The following SLC44A3 variants were observed in gnomAD, a reference collection of about 807,000 sequenced individuals.
SLC44A3 encodes the protein choline transporter-like protein 3.
Under a neutral mutation model 75.4 loss-of-function variants are expected in SLC44A3, and 74 were observed. That is an observed-to-expected ratio of 0.98 (90% CI 0.81 to 1.19). The LOEUF (loss-of-function observed/expected upper bound fraction) is 1.19, where lower values mean the gene tolerates loss of function less well. SLC44A3 is among the 50% of genes most tolerant of loss of function. SLC44A3 has a pLI of 0.00. For synonymous variants in SLC44A3, 310 were observed against 296.9 expected (o/e 1.04, Z -0.45); for missense variants, 700 against 778.6 (o/e 0.90, Z 1.20).
chr1:94,839,691 AT>A (rs375862998), intron 6 of SLC44A3, among the ~76,000 whole-genome samples: 64 of 152,074 alleles, frequency 4.2e-4, no homozygotes, highest in African/African-American at 1.3e-3. Context: ...GCCCGGCCAA[AT>A]TTTTTTTATT....
At chr1:94,876,038 A>C (rs1668246573) in intron 12 of SLC44A3, among the ~76,000 whole-genome samples, 1 of 152,226 alleles carries the variant, frequency 6.6e-6, no homozygotes, top group Non-Finnish European at 1.5e-5. Flanking sequence ...GGGATCTGGC[A>C]GCTGAAACTG....
chr1:94,824,480 C>T lies in SLC44A3; in HGVS notation c.136-13C>T. ...CCTTTGGCCAGGCTCTCATATGCCC[C>T]CGTTTTTGCCAGGTGTTTATCATGG... On this transcript the variant is annotated splice_polypyrimidine_tract_variant and intron_variant, in intron 2 of 14. Coordinates refer to ENST00000271227, the MANE Select transcript of SLC44A3 (RefSeq NM_001114106.3). The T allele has an allele frequency of 6.3e-7, 1 of 1,586,034 alleles. No homozygotes were observed. The highest frequency in any genetic ancestry group is 8.6e-7 in the Non-Finnish European group (1 of 1,169,290).
intron 5 of SLC44A3, among the ~76,000 whole-genome samples, chr1:94,831,146 A>G (rs1227809367): frequency 6.6e-6 from 1 of 152,124 alleles, no homozygotes; most frequent in African/African-American, 2.4e-5. Context: ...CTGTGTCATA[A>G]TAGCACCATT....
chr1:94,869,001 T>C (rs2101491218), intron 12 of SLC44A3, among the ~76,000 whole-genome samples: 1 of 152,268 alleles, frequency 6.6e-6, no homozygotes, highest in East Asian at 1.9e-4. Context: ...ACCATGCCTA[T>C]ACTGCCTGGC....
intron 12 of SLC44A3, among the ~76,000 whole-genome samples, chr1:94,874,471 A>C (rs961092434): frequency 1.3e-5 from 2 of 152,208 alleles, no homozygotes; most frequent in African/African-American, 4.8e-5. Flanking sequence ...TTGGACTCTG[A>C]AGTGCTTCCT....
chr1:94,862,733 T>C (rs1666721590), intron 10 of SLC44A3, among the ~76,000 whole-genome samples: 1 of 152,138 alleles, frequency 6.6e-6, no homozygotes. Context: ...TGGGAAGATC[T>C]AGAGAGAGAT....
At chr1:94,887,848 C>T (rs1313638414) in intron 12 of SLC44A3, among the ~76,000 whole-genome samples, 2 of 152,064 alleles carry the variant, frequency 1.3e-5, no homozygotes, top group East Asian at 3.9e-4. Context: ...TCTAAAAAGC[C>T]CTTTCCTGGA....
At chr1:94,886,260 T>C (rs1669572842) in intron 12 of SLC44A3, among the ~76,000 whole-genome samples, 1 of 152,070 alleles carries the variant, frequency 6.6e-6, no homozygotes, top group African/African-American at 2.4e-5. Flanking sequence ...CAGCAGAAGA[T>C]GGTGATGAGG....
intron 12 of SLC44A3, among the ~76,000 whole-genome samples, chr1:94,879,849 A>T (rs993955081): frequency 6.6e-6 from 1 of 151,856 alleles, no homozygotes; most frequent in Non-Finnish European, 1.5e-5. Flanking sequence ...AAAAAAAAAA[A>T]AAAAGAAAAA....
At chr1:94,840,182 G>T in intron 7 of SLC44A3, 145 bp downstream of exon 7, 1 of 682,776 alleles carries the variant, frequency 1.5e-6, no homozygotes, top group South Asian at 1.9e-5. Flanking sequence ...GAGAAAACTT[G>T]GCCTCAGGGA....
intron 9 of SLC44A3, among the ~76,000 whole-genome samples, chr1:94,847,752 G>A (rs1477676078): frequency 1.3e-5 from 2 of 152,180 alleles, no homozygotes; most frequent in Admixed American, 6.5e-5. Flanking sequence ...CCCGTGTGAT[G>A]TGGGTATTGT....
intron 10 of SLC44A3, among the ~76,000 whole-genome samples, chr1:94,861,394 T>C (rs771881799): frequency 7.2e-5 from 11 of 152,160 alleles, no homozygotes; most frequent in Non-Finnish European, 1.3e-4. Context: ...AGTTCTCTAA[T>C]AACAACTAAA....
chr1:94,827,785 A>G (rs1207246769), intron 4 of SLC44A3, 142 bp downstream of exon 4: 14 of 978,592 alleles, frequency 1.4e-5, no homozygotes, highest in Non-Finnish European at 3.0e-6. Flanking sequence ...TTGTGTGGAA[A>G]AGGCCGTAAG....
intron 11 of SLC44A3, among the ~76,000 whole-genome samples, chr1:94,865,767 T>C (rs1020924236): frequency 6.6e-6 from 1 of 152,216 alleles, no homozygotes. Flanking sequence ...ACCTTTTGAG[T>C]ATAGCTATGT....
intron 14 of SLC44A3, among the ~76,000 whole-genome samples, chr1:94,893,666 C>T (rs770065866): frequency 2.0e-5 from 3 of 152,048 alleles, no homozygotes; most frequent in African/African-American, 4.8e-5. Flanking sequence ...TGTGAGCCAC[C>T]GCACTCAGCC....
chr1:94,845,604 G>T, intron 9 of SLC44A3, 140 bp downstream of exon 9: 1 of 700,840 alleles, frequency 1.4e-6, no homozygotes, highest in Non-Finnish European at 2.2e-6. Context: ...GGTGCTTGGG[G>T]CTCTGTCATG....
At chr1:94,885,016 C>A (rs114538095) in intron 12 of SLC44A3, among the ~76,000 whole-genome samples, 8,801 of 152,066 alleles carry the variant, frequency 0.058, 350 homozygotes, top group African/African-American at 0.1. Flanking sequence ...GAGCCCGAGG[C>A]AGGCAGATCA....
intron 2 of SLC44A3, among the ~76,000 whole-genome samples, chr1:94,823,226 A>G (rs1286445936): frequency 6.6e-6 from 1 of 152,222 alleles, no homozygotes; most frequent in African/African-American, 2.4e-5. Flanking sequence ...AACACAGTCC[A>G]GACCTTACTA....
chr1:94,832,109 A>G (rs1383217590), intron 5 of SLC44A3, among the ~76,000 whole-genome samples: 2 of 152,166 alleles, frequency 1.3e-5, no homozygotes, highest in African/African-American at 2.4e-5. Context: ...TGGAGGTTGC[A>G]GTGAGCCAAG....
Sources: gnomAD v4.1 joint callset for allele counts (sites outside exome capture counted in the v4.1 genomes callset) on GRCh38, gnomAD v4.1.1 for gene constraint, MANE v1.5 for transcripts, NCBI Gene and HGNC (gene_info 2026-07-23, HGNC 2026-07-21) for gene names.